Variants in SNRPB2 observed in about 807,000 individuals in gnomAD.
SNRPB2 encodes small nuclear ribonucleoprotein polypeptide B2, also known as U2 small nuclear ribonucleoprotein B''.
In SNRPB2, 16 loss-of-function variants were observed where a neutral mutation model predicts 26.3. The observed-to-expected ratio is 0.61, with a 90% CI of 0.41 to 0.92. The LOEUF (loss-of-function observed/expected upper bound fraction) is 0.92. Ranked by LOEUF, SNRPB2 falls within the 40% of genes least tolerant of loss-of-function variation. SNRPB2 has a pLI of 0.00. For synonymous variants in SNRPB2, 75 were observed against 89.0 expected, an observed-to-expected ratio of 0.84 and a Z score of 0.88; for missense variants, 179 against 268.1, an observed-to-expected ratio of 0.67 and a Z score of 2.32.
chr20:16,740,816 G>A lies in SNRPB2; in HGVS notation c.519-30G>A, dbSNP rs1205758286. ...CAAAGCAAACATTTATGTACTTGCT[G>A]TATACATGAATTGTTTTTCTTCTTT... On this transcript the variant is annotated intron_variant, in intron 6 of 6. Coordinates refer to ENST00000246071, the MANE Select transcript of SNRPB2 (RefSeq NM_003092.5). 4 of 1,538,964 alleles carry A rather than the reference G, an allele frequency of 2.6e-6. No homozygotes were observed. The Admixed American group carries it at 6.8e-5, about 26-fold the overall frequency.
chr20:16,739,711 A>T (rs775137922), intron 5 of SNRPB2, among the ~76,000 whole-genome samples: 13 of 152,048 alleles, frequency 8.5e-5, no homozygotes, highest in Non-Finnish European at 1.6e-4. Flanking sequence ...CTCTTTTCTT[A>T]TATAGAAGAC....
intron 3 of SNRPB2, among the ~76,000 whole-genome samples, chr20:16,736,191 CATT>C (rs940335912): frequency 6.6e-6 from 1 of 152,002 alleles, no homozygotes; most frequent in Non-Finnish European, 1.5e-5. Context: ...ATCTCAAAGA[CATT>C]ATGCCAAGTA....
chr20:16,740,864 A>G lies in SNRPB2; in HGVS notation c.537A>G (p.Glu179=), dbSNP rs747377004. ...TTTATAGGTTCCCTGGCTTCAAGGA[A>G]GTACGTCTGGTACCAGGGAGGCATG... ...MLFNQFPGFK[E]VRLVPGRHDI... is the part of the protein sequence containing the mutation. Residue 179 remains glutamate, a synonymous_variant, in exon 7 of 7, where the codon GAA becomes GAG. Transcript: ENST00000246071. 4.3e-6 allele frequency: 7 copies of G among 1,611,750 alleles called. No individual in the cohort carries two copies. In the Admixed American group the frequency reaches 1.2e-4, roughly 27 times the overall value.
At position 16,732,611 on chromosome 20, in the gene SNRPB2, T is replaced by C. The variant is rs551951676; in HGVS notation, c.237+275T>C. The C allele has an allele frequency of 2.3e-5, 6 of 256,930 alleles. No individual in the cohort carries two copies. In the East Asian group the frequency reaches 4.5e-4, roughly 19 times the overall value. 15.9% of individuals were successfully genotyped at this position (256,930 alleles called of 1,614,324 possible). On this transcript the variant is annotated intron_variant, in intron 3 of 6. Transcript: ENST00000246071. ...CTCAAAAAGTTAGAAATTAATAATA[T>C]CCTGGAAGACTTGAAAAGAAACCTG...
intron 3 of SNRPB2, among the ~76,000 whole-genome samples, chr20:16,735,143 T>G (rs1023027829): frequency 4.6e-5 from 7 of 152,172 alleles, no homozygotes; most frequent in Non-Finnish European, 8.8e-5. Context: ...TAGTCATCTC[T>G]AGCTGAAGTA....
At position 16,736,748 on chromosome 20, in the gene SNRPB2, G is replaced by A. The variant is rs550891607; in HGVS notation, c.238-513G>A. Among the ~76,000 whole-genome samples the A allele has an allele frequency of 5.9e-5, 9 of 152,268 alleles. No homozygotes were observed. The South Asian group carries it at 1.9e-3, about 32-fold the overall frequency. On this transcript the variant is annotated intron_variant, in intron 3 of 6. Transcript: ENST00000246071. The stretch of plus-strand genomic sequence containing the variant: ...AGGTTTGGAGAGGAAAGGGCATTTG[G>A]CCTCCAGTGGGCTCTGGAGCCACAG...
chr20:16,737,184 T>G, intron 3 of SNRPB2, 77 bp from the exon 4 acceptor site: 3 of 1,192,070 alleles, frequency 2.5e-6, no homozygotes, highest in Non-Finnish European at 3.5e-6. Context: ...ATTTGCGTAA[T>G]GAAATTTGAA....
intron 6 of SNRPB2, 37 bp downstream of exon 6, chr20:16,740,450 T>G: frequency 6.2e-7 from 1 of 1,605,772 alleles, no homozygotes; most frequent in Non-Finnish European, 8.5e-7. Context: ...TTCTGAGAGC[T>G]TCCTCACAGG....
At chr20:16,732,672 A>G (rs1375128336) in intron 3 of SNRPB2, among the ~76,000 whole-genome samples, 1 of 152,252 alleles carries the variant, frequency 6.6e-6, no homozygotes, top group African/African-American at 2.4e-5. Context: ...AACAAAAGTC[A>G]TGAGTCAAAG....
Position 16,741,036 on chromosome 20 carries a change from G to A in SNRPB2, c.*31G>A, listed in dbSNP as rs771320672. The A allele has an allele frequency of 1.3e-6, 2 of 1,527,748 alleles. No homozygotes were observed. Among genetic ancestry groups the A allele is most frequent in the Admixed American group, 3.5e-5 (2 of 57,314 alleles). The allele number at this position is 1,527,748 out of a possible 1,614,324, so 94.6% of individuals were successfully genotyped here. A position where few individuals can be genotyped will look rare whatever the true frequency, so the allele number is the denominator to read the frequency against. ...GGGATAGTCGTCTTTAAAAGACTTGGTGTTATTTACAGTGTTTGTTTTGAT... is the reference window on the plus strand; with the variant it reads ...GGGATAGTCGTCTTTAAAAGACTTGATGTTATTTACAGTGTTTGTTTTGAT... On this transcript the variant is annotated 3_prime_UTR_variant, in exon 7 of 7. Coordinates refer to ENST00000246071, the MANE Select transcript of SNRPB2 (RefSeq NM_003092.5).
intron 3 of SNRPB2, among the ~76,000 whole-genome samples, chr20:16,734,285 C>A (rs1298301192): frequency 1.3e-5 from 2 of 152,170 alleles, no homozygotes; most frequent in African/African-American, 2.4e-5. Flanking sequence ...AAATCTCCAT[C>A]TTAGAAGAGG....
At chr20:16,735,066 C>T (rs187113082) in intron 3 of SNRPB2, among the ~76,000 whole-genome samples, 13 of 152,250 alleles carry the variant, frequency 8.5e-5, no homozygotes, top group Admixed American at 2.0e-4. Flanking sequence ...CCCAGACCAG[C>T]CAGAAAGAGC....
Position 16,741,242 on chromosome 20 carries a change from C to G in SNRPB2, c.*237C>G. The stretch of plus-strand genomic sequence containing the variant: ...TGTATATAATGCTTTCTTGATTGAC[C>G]CATCTCCCTATCATCAAATGACTTC... On this transcript the variant is annotated 3_prime_UTR_variant, in exon 7 of 7. Transcript: ENST00000246071. 1 of 350,078 alleles carries G rather than the reference C, an allele frequency of 2.9e-6. No homozygotes were observed. The highest frequency in any genetic ancestry group is 5.2e-6 in the Non-Finnish European group (1 of 193,334). 21.7% of individuals were successfully genotyped at this position (350,078 alleles called of 1,614,324 possible). A position where few individuals can be genotyped will look rare whatever the true frequency, so the allele number is the denominator to read the frequency against.
chr20:16,736,693 G>A (rs1007997813), intron 3 of SNRPB2, among the ~76,000 whole-genome samples: 3 of 152,114 alleles, frequency 2.0e-5, no homozygotes, highest in Non-Finnish European at 2.9e-5. Flanking sequence ...GCATCCCTAG[G>A]TGCTCCCTCT....
rs1454397307 is a variant in SNRPB2, at chr20:16,732,289, A to T, written c.190A>T (p.Asn64Tyr). Residue 64 changes from asparagine (N) to tyrosine (Y), a missense_variant, in exon 3 of 7, where the codon AAT (asparagine) becomes TAT (tyrosine). Physicochemically the swap from Asn to Tyr is moderately radical, Grantham distance 143 (BLOSUM62 -2). This residue lies in a region of SNRPB2 where 145 missense variants were observed against 180.7 expected (regional missense o/e 0.80). Transcript: ENST00000246071. The part of the protein sequence containing the change: ...VIFKELGSST[N>Y]ALRQLQGFPF... ...ATTTAAGGAACTGGGCTCATCCACA[A>T]ATGCCTTGAGACAGCTACAAGGATT... is the stretch of plus-strand genomic sequence containing the variant. The T allele has an allele frequency of 1.2e-6, 2 of 1,602,482 alleles. No individual in the cohort carries two copies. The highest frequency in any genetic ancestry group is 1.7e-5 in the Admixed American group (1 of 57,204).
At chr20:16,738,052 GA>G (rs775932619) in intron 4 of SNRPB2, among the ~76,000 whole-genome samples, 104 of 127,726 alleles carry the variant, frequency 8.1e-4, no homozygotes, top group Middle Eastern at 4.5e-3. Flanking sequence ...AAAAAAAAAA[GA>G]AAAAAAAAAA....
chr20:16,731,752 A>C lies in SNRPB2; in HGVS notation c.50A>C (p.Lys17Thr), dbSNP rs138493707. 1.2e-6 allele frequency: 2 copies of C among 1,612,654 alleles called. No individual in the cohort carries two copies. The highest frequency in any genetic ancestry group is 1.1e-5 in the South Asian group (1 of 91,010). The change falls in exon 2 of 7, where the codon AAA (lysine) becomes ACA (threonine). Residue 17 changes from lysine (K) to threonine (T), a missense_variant. By Grantham distance (78) the Lys-to-Thr change is moderately conservative. This residue lies in a region of SNRPB2 where 145 missense variants were observed against 180.7 expected (regional missense o/e 0.80). Transcript: ENST00000246071. ...HTIYINNMND[K>T]IKKEELKRSL... ...ATTTATATCAACAATATGAATGACA[A>C]AATTAAAAAGGAAGGTAAGTGCTTT...
chr20:16,739,712 T>C (rs1164631267), intron 5 of SNRPB2, among the ~76,000 whole-genome samples: 3 of 152,170 alleles, frequency 2.0e-5, no homozygotes, highest in African/African-American at 7.2e-5. Context: ...TCTTTTCTTA[T>C]ATAGAAGACC....
chr20:16,735,293 A>ATACAAAGTAATTTGTACAGATTAC (rs1209193695), intron 3 of SNRPB2, among the ~76,000 whole-genome samples: 2 of 146,452 alleles, frequency 1.4e-5, no homozygotes, highest in African/African-American at 5.2e-5. Context: ...TACCTATTGT[A>ATACAAAGTAATTTGTACAGATTAC]TACAAAGTAA....
Sources: gnomAD v4.1 joint callset for allele counts (sites outside exome capture counted in the v4.1 genomes callset) on GRCh38, gnomAD v4.1.1 for gene constraint, gnomAD v4.1.1 regional missense constraint, MANE v1.5 for transcripts, NCBI Gene and HGNC (gene_info 2026-07-23, HGNC 2026-07-21) for gene names.